GRM5: variants seen among roughly 807,000 people sequenced by gnomAD.
GRM5 encodes glutamate metabotropic receptor 5, also known as metabotropic glutamate receptor 5.
Under a neutral mutation model 83.1 loss-of-function variants are expected in GRM5, and 19 were observed. The ratio of observed to expected loss-of-function variants is 0.23; its 90% CI spans 0.16 to 0.34. The LOEUF is 0.34. GRM5 is among the 10% of genes least tolerant of loss of function. The pLI, the probability that GRM5 is intolerant of heterozygous loss-of-function variation, is 1.00. For synonymous variants in GRM5, 675 were observed against 633.6 expected, an observed-to-expected ratio of 1.07 and a Z score of -0.98; for missense variants, 1,160 against 1,588.3, an observed-to-expected ratio of 0.73 and a Z score of 4.58.
intron 7 of GRM5, among the ~76,000 whole-genome samples, chr11:88,573,188 CT>C (rs34601577): frequency 2.0e-5 from 3 of 151,976 alleles, no homozygotes; most frequent in Non-Finnish European, 4.4e-5. Flanking sequence ...ACAAGTTTTT[CT>C]TTTTTTAAAG....
chr11:88,622,179 G>A (rs1193589293), intron 4 of GRM5, among the ~76,000 whole-genome samples: 1 of 152,152 alleles, frequency 6.6e-6, no homozygotes, highest in Non-Finnish European at 1.5e-5. Context: ...AGATAGGAGA[G>A]GAAAGTAGCA....
intron 2 of GRM5, among the ~76,000 whole-genome samples, chr11:89,022,497 A>G (rs1664947157): frequency 6.6e-6 from 1 of 151,850 alleles, no homozygotes. Context: ...AAAAAAAAAA[A>G]AAAAAATAGA....
At chr11:88,924,845 T>A (rs749887614) in intron 2 of GRM5, among the ~76,000 whole-genome samples, 1 of 152,024 alleles carries the variant, frequency 6.6e-6, no homozygotes, top group African/African-American at 2.4e-5. Context: ...AAGTCACCTA[T>A]GGAAAGTGAT....
At chr11:89,010,108 A>G (rs71469231) in intron 2 of GRM5, among the ~76,000 whole-genome samples, 2,768 of 150,940 alleles carry the variant, frequency 0.018, 36 homozygotes, top group Middle Eastern at 0.066. Context: ...CATATACATT[A>G]CAAAGGATTG....
At chr11:88,614,508 CT>C in intron 4 of GRM5, among the ~76,000 whole-genome samples, 1 of 151,998 alleles carries the variant, frequency 6.6e-6, no homozygotes, top group East Asian at 1.9e-4. Context: ...CACTATTTAG[CT>C]TTTTTTTCTG....
intron 3 of GRM5, among the ~76,000 whole-genome samples, chr11:88,736,296 C>T (rs1349408531): frequency 6.6e-6 from 1 of 152,088 alleles, no homozygotes; most frequent in Non-Finnish European, 1.5e-5. Context: ...CAGAAACTGA[C>T]TTCTGCGGGA....
intron 2 of GRM5, among the ~76,000 whole-genome samples, chr11:88,945,115 G>GAC (rs1181880943): frequency 1.5e-5 from 2 of 137,590 alleles, no homozygotes; most frequent in East Asian, 4.5e-4. Flanking sequence ...ATTTACAATA[G>GAC]ACACACACAC....
chr11:89,043,153 T>A (rs1039247554), intron 2 of GRM5, among the ~76,000 whole-genome samples: 3 of 152,142 alleles, frequency 2.0e-5, no homozygotes, highest in Admixed American at 6.6e-5. Flanking sequence ...TCATAAATGG[T>A]GAGCTACGTA....
At chr11:88,808,573 A>G (rs1248235777) in intron 3 of GRM5, among the ~76,000 whole-genome samples, 3 of 152,000 alleles carry the variant, frequency 2.0e-5, no homozygotes, top group Non-Finnish European at 4.4e-5. Context: ...TTCCACAGAC[A>G]TTATTAAGAG....
At chr11:88,609,063 G>A (rs1260624684) in intron 4 of GRM5, among the ~76,000 whole-genome samples, 1 of 152,110 alleles carries the variant, frequency 6.6e-6, no homozygotes, top group Non-Finnish European at 1.5e-5. Flanking sequence ...TTGTGTTGCT[G>A]AGGATTGGTG....
intron 3 of GRM5, among the ~76,000 whole-genome samples, chr11:88,821,812 C>T (rs938014570): frequency 6.6e-6 from 1 of 152,060 alleles, no homozygotes; most frequent in Non-Finnish European, 1.5e-5. Flanking sequence ...ACTTGAAAAA[C>T]ACCCTTAACT....
At chr11:88,912,081 T>G in intron 2 of GRM5, 1 of 462,334 alleles carries the variant, frequency 2.2e-6, no homozygotes, top group East Asian at 7.1e-5. Context: ...CAGAGGAACG[T>G]GTATCTGTAT....
At chr11:88,570,550 A>AATATATATATATATATATATATATATAT (rs199551301) in intron 7 of GRM5, among the ~76,000 whole-genome samples, 1 of 71,958 alleles carries the variant, frequency 1.4e-5, no homozygotes, top group African/African-American at 8.2e-5. Context: ...AAGTATTAAT[A>AATATATATATATATATATATATATATAT]ATATATATAT....
At chr11:88,774,351 T>A (rs1039792244) in intron 3 of GRM5, among the ~76,000 whole-genome samples, 5 of 152,240 alleles carry the variant, frequency 3.3e-5, no homozygotes, top group Non-Finnish European at 5.9e-5. Context: ...GATTTTGGGC[T>A]GAGACAATAG....
Position 88,936,498 on chromosome 11 carries a change from C to T in GRM5, c.662-86343G>A, listed in dbSNP as rs190037806. Among the ~76,000 whole-genome samples the T allele has an allele frequency of 1.2e-4, 17 of 142,602 alleles. No homozygotes were observed. The East Asian group carries it at 3.1e-3, about 26-fold the overall frequency. The allele number at this position is 142,602 out of a possible 152,430, so 93.6% of individuals were successfully genotyped here. A position where few individuals can be genotyped will look rare whatever the true frequency, so the allele number is the denominator to read the frequency against. On this transcript the variant is annotated intron_variant, in intron 2 of 9. Transcript: ENST00000305447. ...TTTCTTCTGTTTACTAGTATGTTTA[C>T]TACTATGTCAAATAAAGAAAAGCTG... is the stretch of plus-strand genomic sequence containing the variant.
At chr11:88,979,443 A>G (rs1345455092) in intron 2 of GRM5, among the ~76,000 whole-genome samples, 1 of 152,224 alleles carries the variant, frequency 6.6e-6, no homozygotes, top group African/African-American at 2.4e-5. Context: ...ATGTTCTGTG[A>G]GTCTGACATA....
At chr11:88,540,519 A>G (rs1356717777) in intron 8 of GRM5, among the ~76,000 whole-genome samples, 2 of 152,084 alleles carry the variant, frequency 1.3e-5, no homozygotes, top group African/African-American at 4.8e-5. Flanking sequence ...GCAGCTGCCC[A>G]CGAGTGGGAA....
chr11:88,877,955 T>C (rs1339756998), intron 2 of GRM5, among the ~76,000 whole-genome samples: 1 of 152,058 alleles, frequency 6.6e-6, no homozygotes, highest in Non-Finnish European at 1.5e-5. Context: ...TGTATACATA[T>C]GTAACTAACC....
chr11:88,673,011 G>C (rs1286478718), intron 3 of GRM5, among the ~76,000 whole-genome samples: 1 of 151,830 alleles, frequency 6.6e-6, no homozygotes, highest in Non-Finnish European at 1.5e-5. Flanking sequence ...CATGAACAAA[G>C]GCAAAGAGGC....
Sources: allele counts gnomAD v4.1 joint callset (sites outside exome capture counted in the v4.1 genomes callset), GRCh38; gene constraint gnomAD v4.1.1; transcripts MANE v1.5; gene names NCBI Gene and HGNC (gene_info 2026-07-23, HGNC 2026-07-21).